The following FHIT variants were observed in gnomAD, a reference collection of about 807,000 sequenced individuals.
FHIT encodes the protein fragile histidine triad diadenosine triphosphatase.
A neutral mutation model predicts 17.9 loss-of-function variants in FHIT; 19 were observed. The observed-to-expected ratio is 1.06, with a 90% CI of 0.74 to 1.56. The LOEUF (loss-of-function observed/expected upper bound fraction) is 1.56, where lower values mean the gene tolerates loss of function less well. Ranked by LOEUF, FHIT falls within the 40% of genes most tolerant of loss-of-function variation. The pLI is 0.00. For missense variants in FHIT, 248 were observed against 189.2 expected (o/e 1.31, Z -1.82); for synonymous variants, 81 against 69.7 (o/e 1.16, Z -0.81).
chr3:59,770,888 C>T (rs1326607045), intron 8 of FHIT, among the ~76,000 whole-genome samples: 2 of 152,122 alleles, frequency 1.3e-5, no homozygotes, highest in African/African-American at 2.4e-5. Context: ...CTGCTTCTGC[C>T]CAGGAGGCTG....
intron 5 of FHIT, among the ~76,000 whole-genome samples, chr3:60,386,387 C>T (rs1701012891): frequency 6.6e-6 from 1 of 152,176 alleles, no homozygotes; most frequent in African/African-American, 2.4e-5. Context: ...AACAATTCAA[C>T]AATAATGACA....
chr3:60,964,799 T>C (rs1471298927), intron 3 of FHIT, among the ~76,000 whole-genome samples: 1 of 152,222 alleles, frequency 6.6e-6, no homozygotes, highest in Non-Finnish European at 1.5e-5. Flanking sequence ...CCAAGAGATC[T>C]GTTGTTAGTC....
At chr3:60,204,458 G>GT (rs367700440) in intron 5 of FHIT, among the ~76,000 whole-genome samples, 21,299 of 127,720 alleles carry the variant, frequency 0.17, 1,720 homozygotes, top group East Asian at 0.26. Flanking sequence ...TTTTTTTTTT[G>GT]TTTTGTTTTT....
At chr3:59,912,366 G>A (rs1005177072) in intron 8 of FHIT, among the ~76,000 whole-genome samples, 4 of 152,186 alleles carry the variant, frequency 2.6e-5, no homozygotes, top group African/African-American at 7.2e-5. Context: ...AAGTGCAGTT[G>A]TTTATTCCAG....
intron 5 of FHIT, among the ~76,000 whole-genome samples, chr3:60,116,377 T>C (rs1340377417): frequency 1.3e-5 from 2 of 152,200 alleles, no homozygotes; most frequent in South Asian, 2.1e-4. Flanking sequence ...GTATTCTCGA[T>C]AGCGGGCATC....
intron 5 of FHIT, among the ~76,000 whole-genome samples, chr3:60,142,308 C>T (rs1189886376): frequency 6.6e-6 from 1 of 152,102 alleles, no homozygotes; most frequent in East Asian, 1.9e-4. Flanking sequence ...TTGGGTACTG[C>T]TCAAAAAATA....
chr3:60,669,132 A>AG (rs145579288), intron 4 of FHIT, among the ~76,000 whole-genome samples: 10,333 of 152,290 alleles, frequency 0.068, 469 homozygotes, highest in African/African-American at 0.13. Flanking sequence ...TGAACAAAGC[A>AG]GATTCTTCCT....
intron 5 of FHIT, among the ~76,000 whole-genome samples, chr3:60,505,796 T>C (rs2034705436): frequency 6.6e-6 from 1 of 152,198 alleles, no homozygotes; most frequent in Non-Finnish European, 1.5e-5. Context: ...CATCCATTGG[T>C]ATTGCAATGG....
At chr3:60,356,735 A>G (rs1699667951) in intron 5 of FHIT, among the ~76,000 whole-genome samples, 1 of 131,386 alleles carries the variant, frequency 7.6e-6, no homozygotes, top group South Asian at 2.9e-4. Flanking sequence ...GGGCTATTAT[A>G]TAGCAGGAAG....
At chr3:60,714,177 A>C (rs2041617591) in intron 4 of FHIT, among the ~76,000 whole-genome samples, 1 of 152,382 alleles carries the variant, frequency 6.6e-6, no homozygotes, top group South Asian at 2.1e-4. Context: ...AACCAAAGAC[A>C]AAAACCATAC....
chr3:60,631,919 C>T (rs1163306658), intron 4 of FHIT, among the ~76,000 whole-genome samples: 1 of 152,102 alleles, frequency 6.6e-6, no homozygotes, highest in Non-Finnish European at 1.5e-5. Context: ...GTTTGTACCA[C>T]ACAGCTACAC....
chr3:59,901,457 G>A (rs1397044322), intron 8 of FHIT, among the ~76,000 whole-genome samples: 2 of 152,084 alleles, frequency 1.3e-5, no homozygotes, highest in African/African-American at 2.4e-5. Flanking sequence ...ACTTATATGG[G>A]CACAGAATCT....
At chr3:60,073,370 T>C (rs762503297) in intron 5 of FHIT, among the ~76,000 whole-genome samples, 2 of 152,068 alleles carry the variant, frequency 1.3e-5, no homozygotes, top group Non-Finnish European at 2.9e-5. Context: ...AAATATCTTA[T>C]ATTAAAAGAG....
chr3:60,244,953 A>C lies in FHIT; in HGVS notation c.104-230801T>G, dbSNP rs114677756. Among the ~76,000 whole-genome samples, 1,333 of 152,224 alleles carry C rather than the reference A, an allele frequency of 8.8e-3. 9 individuals carry two copies. Among genetic ancestry groups the C allele is most frequent in the Middle Eastern group, 0.065 (19 of 294 alleles). ...AAAAATGTATAGCTTCATATAATTAAAACATTCAGGTAGTGTGCATTGACT... is the reference window on the plus strand; with the variant it reads ...AAAAATGTATAGCTTCATATAATTACAACATTCAGGTAGTGTGCATTGACT... On this transcript the variant is annotated intron_variant, in intron 5 of 9. Coordinates refer to ENST00000492590, the MANE Select transcript of FHIT (RefSeq NM_002012.4).
chr3:60,138,160 C>T (rs1339583446), intron 5 of FHIT, among the ~76,000 whole-genome samples: 2 of 152,164 alleles, frequency 1.3e-5, no homozygotes, highest in Non-Finnish European at 2.9e-5. Flanking sequence ...CGGCTTATGG[C>T]TCTATGGAAG....
At chr3:60,030,055 T>G (rs1700937381) in intron 5 of FHIT, among the ~76,000 whole-genome samples, 1 of 152,138 alleles carries the variant, frequency 6.6e-6, no homozygotes, top group Non-Finnish European at 1.5e-5. Context: ...GTCAGGGTTT[T>G]GTTTGTGACT....
intron 5 of FHIT, among the ~76,000 whole-genome samples, chr3:60,322,544 A>T (rs1159978849): frequency 6.6e-6 from 1 of 152,232 alleles, no homozygotes; most frequent in African/African-American, 2.4e-5. Flanking sequence ...AGGTTCACCC[A>T]GTTGGTAAAT....
chr3:61,087,501 T>C (rs2035342686), intron 2 of FHIT, among the ~76,000 whole-genome samples: 1 of 152,160 alleles, frequency 6.6e-6, no homozygotes, highest in Non-Finnish European at 1.5e-5. Context: ...TTCGATAATA[T>C]TGTTGTAATT....
chr3:59,833,519 C>T (rs988825613), intron 8 of FHIT, among the ~76,000 whole-genome samples: 3 of 152,148 alleles, frequency 2.0e-5, no homozygotes, highest in African/African-American at 7.2e-5. Context: ...ACCCTACCAA[C>T]ACCACAACTT....
Sources: allele counts gnomAD v4.1 joint callset (sites outside exome capture counted in the v4.1 genomes callset), GRCh38; gene constraint gnomAD v4.1.1; transcripts MANE v1.5; gene names NCBI Gene and HGNC (gene_info 2026-07-23, HGNC 2026-07-21).